DNAH12: variants seen among roughly 807,000 people sequenced by gnomAD.
DNAH12 encodes the protein dynein axonemal heavy chain 12, also known as axonemal beta dynein heavy chain 12.
Under a neutral mutation model 371.5 loss-of-function variants are expected in DNAH12, and 285 were observed. The observed-to-expected ratio is 0.77, with a 90% CI of 0.70 to 0.85. The LOEUF (loss-of-function observed/expected upper bound fraction) is 0.85. DNAH12 is among the 40% of genes least tolerant of loss of function. DNAH12 has a pLI of 0.00. For synonymous variants in DNAH12, 1,200 were observed against 1,213.0 expected (o/e 0.99, Z 0.22); for missense variants, 3,611 against 3,689.4 (o/e 0.98, Z 0.55).
At chr3:57,351,912 TTAAA>T (rs2062684099) in intron 60 of DNAH12, among the ~76,000 whole-genome samples, 169 bp downstream of exon 60, 2 of 152,170 alleles carry the variant, frequency 1.3e-5, no homozygotes, top group African/African-American at 2.4e-5. Context: ...ATTTTAAAAA[TTAAA>T]TAAACACCGA....
chr3:57,344,775 A>G (rs2062496864), intron 60 of DNAH12, among the ~76,000 whole-genome samples: 1 of 152,188 alleles, frequency 6.6e-6, no homozygotes, highest in African/African-American at 2.4e-5. Flanking sequence ...AGAACAGAGT[A>G]TACTAGAGGC....
intron 60 of DNAH12, among the ~76,000 whole-genome samples, chr3:57,351,402 T>C (rs1446618695): frequency 1.3e-5 from 2 of 152,214 alleles, no homozygotes; most frequent in East Asian, 3.8e-4. Flanking sequence ...ATTTGTAATT[T>C]TCTTTCTGGA....
chr3:57,388,471 T>C lies in DNAH12; in HGVS notation c.7306-1252A>G, dbSNP rs1027099688. Among the ~76,000 whole-genome samples, 24 of 152,240 alleles carry C rather than the reference T, an allele frequency of 1.6e-4. 1 individual carries two copies. In the East Asian group the frequency reaches 4.4e-3, roughly 28 times the overall value. On this transcript the variant is annotated intron_variant, in intron 45 of 73. Transcript: ENST00000495027. ...TTTTAAGACCATTTTTTTTTTGGTG[T>C]CTAGCCTAAGCACATACTGCCAGTG...
In DNAH12 at chr3:57,323,200, AGT is replaced by A. The variant is rs1191512998; in HGVS notation, c.10188_10189del (p.Leu3397GlyfsTer13). 1 of 1,552,372 alleles carries A rather than the reference AGT, an allele frequency of 6.4e-7. No individual in the cohort carries two copies. ...TGCAATCGGTCCTTGTCCCTGTCCC[AGT>A]GAAATAGCTTGAAACTTATTTCCAG... On this transcript the variant is annotated frameshift_variant, in exon 64 of 74. Coordinates refer to ENST00000495027, the MANE Select transcript of DNAH12 (RefSeq NM_001366028.2). LOFTEE classifies it high-confidence loss of function.
chr3:57,336,849 T>C (rs1019125547), intron 60 of DNAH12, among the ~76,000 whole-genome samples: 2 of 152,164 alleles, frequency 1.3e-5, no homozygotes, highest in African/African-American at 4.8e-5. Flanking sequence ...TCCCAACTGG[T>C]AAGAGACAGA....
chr3:57,408,578 G>C (rs1553682087), intron 39 of DNAH12, 43 bp from the exon 40 acceptor site: 1 of 1,463,260 alleles, frequency 6.8e-7, no homozygotes, highest in Non-Finnish European at 9.0e-7. Context: ...CTGTTATAAA[G>C]ACATTAAGAT....
At chr3:57,453,532 C>T (rs1397091599) in intron 23 of DNAH12, 129 bp from the exon 24 acceptor site, 4 of 791,252 alleles carry the variant, frequency 5.1e-6, no homozygotes, top group Admixed American at 3.8e-5. Flanking sequence ...TGAGTTCAAG[C>T]GTGGTGGCTC....
In DNAH12 at chr3:57,410,672, C is replaced by T. The variant is rs377508884; in HGVS notation, c.6021-2137G>A. 3.3e-5 allele frequency among the ~76,000 whole-genome samples: 5 copies of T among 152,012 alleles called. No homozygotes were observed. The East Asian group carries it at 7.7e-4, about 24-fold the overall frequency. Reference sequence around the variant, plus strand: ...CTCTACTAAAAATACAAAAATTAGCCGGGTGTGGTGGTGTGTACCTGTAGT... The same window carrying T: ...CTCTACTAAAAATACAAAAATTAGCTGGGTGTGGTGGTGTGTACCTGTAGT... On this transcript the variant is annotated intron_variant, in intron 39 of 73. Transcript: ENST00000495027.
intron 17 of DNAH12, among the ~76,000 whole-genome samples, chr3:57,468,096 A>G (rs980272267): frequency 5.9e-5 from 9 of 152,332 alleles, no homozygotes; most frequent in Middle Eastern, 3.4e-3. Context: ...TTTTGAGTCC[A>G]GAGCTTGACC....
At chr3:57,541,611 C>T (rs1292239362) in intron 2 of DNAH12, among the ~76,000 whole-genome samples, 4 of 151,906 alleles carry the variant, frequency 2.6e-5, no homozygotes, top group African/African-American at 9.7e-5. Flanking sequence ...AGCAATCCTC[C>T]CACTGTGGCC....
intron 11 of DNAH12, among the ~76,000 whole-genome samples, chr3:57,498,801 C>T (rs2067404630): frequency 6.6e-6 from 1 of 152,014 alleles, no homozygotes; most frequent in Non-Finnish European, 1.5e-5. Context: ...AGGTCGAGAC[C>T]ATCCTGGCTA....
intron 66 of DNAH12, among the ~76,000 whole-genome samples, chr3:57,313,068 C>T (rs1222577122): frequency 6.6e-6 from 1 of 152,164 alleles, no homozygotes; most frequent in Non-Finnish European, 1.5e-5. Context: ...AAAAAGGCCC[C>T]TCAGAACAGC....
At chr3:57,447,599 AC>A (rs1378188315) in intron 25 of DNAH12, among the ~76,000 whole-genome samples, 1 of 149,186 alleles carries the variant, frequency 6.7e-6, no homozygotes, top group Admixed American at 6.6e-5. Flanking sequence ...AAATATTTTT[AC>A]TTTATTTTTA....
intron 39 of DNAH12, among the ~76,000 whole-genome samples, 161 bp downstream of exon 39, chr3:57,413,585 A>G (rs1425317994): frequency 6.6e-6 from 1 of 152,158 alleles, no homozygotes; most frequent in Non-Finnish European, 1.5e-5. Flanking sequence ...CTTAATTTAA[A>G]ATAGTCTTTT....
Position 57,415,521 on chromosome 3 carries a change from A to T in DNAH12, c.5758T>A (p.Tyr1920Asn). 6.4e-7 allele frequency: 1 copy of T among 1,550,648 alleles called. No homozygotes were observed. The highest frequency in any genetic ancestry group is 8.7e-7 in the Non-Finnish European group (1 of 1,146,820). Residue 1920 changes from tyrosine to asparagine, a missense_variant, in exon 38 of 74, where the codon TAT becomes AAT. Tyr to Asn is a moderately radical substitution (Grantham distance 143). Coordinates refer to ENST00000495027, the MANE Select transcript of DNAH12 (RefSeq NM_001366028.2). ...TGATTCATTAGCTTATCCTTCACATACACAGATTTTCCTGTACCCGTTGGA... is the reference window on the plus strand; with the variant it reads ...TGATTCATTAGCTTATCCTTCACATTCACAGATTTTCCTGTACCCGTTGGA... ...VGPTGTGKSV[Y>N]VKDKLMNHLE... is the part of the protein sequence containing the mutation.
chr3:57,520,181 C>T (rs187405399), intron 4 of DNAH12, among the ~76,000 whole-genome samples: 1 of 152,192 alleles, frequency 6.6e-6, no homozygotes, highest in South Asian at 2.1e-4. Flanking sequence ...GGCGCAATCT[C>T]GGCTCACTGC....
intron 4 of DNAH12, among the ~76,000 whole-genome samples, chr3:57,516,053 C>CTT (rs11395278): frequency 0.023 from 1,650 of 71,950 alleles, 400 homozygotes; most frequent in South Asian, 0.037. Flanking sequence ...ACTGCTTAGT[C>CTT]TTTTTTTTTT....
At chr3:57,330,506 C>A (rs1231563328) in intron 62 of DNAH12, among the ~76,000 whole-genome samples, 2 of 139,104 alleles carry the variant, frequency 1.4e-5, no homozygotes, top group East Asian at 4.2e-4. Context: ...AGGTGGGAAT[C>A]GAACAGTGAG....
chr3:57,415,121 ATGTGTGTGTTTG>A (rs761180825), intron 38 of DNAH12, among the ~76,000 whole-genome samples: 342 of 151,212 alleles, frequency 2.3e-3, no homozygotes, highest in Admixed American at 2.4e-3. Context: ...GCCCCACCCT[ATGTGTGTGTTTG>A]TGTGTGTGTG....
Sources: gnomAD v4.1 joint callset for allele counts (sites outside exome capture counted in the v4.1 genomes callset) on GRCh38, gnomAD v4.1.1 for gene constraint, MANE v1.5 for transcripts, NCBI Gene and HGNC (gene_info 2026-07-23, HGNC 2026-07-21) for gene names.